The following GRIK1 variants were observed in gnomAD, a reference collection of about 807,000 sequenced individuals.
The protein encoded by GRIK1 is glutamate ionotropic receptor kainate type subunit 1.
Under a neutral mutation model 105.7 loss-of-function variants are expected in GRIK1, and 69 were observed. The ratio of observed to expected loss-of-function variants is 0.65; its 90% CI spans 0.54 to 0.80. GRIK1 has a LOEUF of 0.80. Ranked by LOEUF, GRIK1 falls within the 30% of genes least tolerant of loss-of-function variation. The pLI is 0.00. For missense variants in GRIK1, 1,109 were observed against 1,167.3 expected (o/e 0.95, Z 0.73); for synonymous variants, 438 against 431.3 (o/e 1.02, Z -0.19).
chr21:29,625,437 T>C (rs1164760758), intron 7 of GRIK1, among the ~76,000 whole-genome samples: 1 of 152,130 alleles, frequency 6.6e-6, no homozygotes, highest in Non-Finnish European at 1.5e-5. Context: ...GCTGATACCA[T>C]TTAACCTCTT....
intron 1 of GRIK1, among the ~76,000 whole-genome samples, chr21:29,845,423 T>C (rs767054114): frequency 3.0e-4 from 45 of 152,302 alleles, no homozygotes; most frequent in Non-Finnish European, 5.0e-4. Context: ...CTGTCTGTCA[T>C]GTTTCTGTGG....
At chr21:29,582,714 C>T (rs1036025448) in intron 12 of GRIK1, among the ~76,000 whole-genome samples, 1 of 152,026 alleles carries the variant, frequency 6.6e-6, no homozygotes. Flanking sequence ...AGAAGCTCAA[C>T]GAAGTGATCT....
chr21:29,746,242 A>G (rs2065045077), intron 1 of GRIK1, among the ~76,000 whole-genome samples: 1 of 152,268 alleles, frequency 6.6e-6, no homozygotes, highest in African/African-American at 2.4e-5. Flanking sequence ...CTACACTAGA[A>G]CATGGATTGG....
intron 1 of GRIK1, among the ~76,000 whole-genome samples, chr21:29,875,031 T>C (rs550569828): frequency 6.6e-6 from 1 of 151,524 alleles, no homozygotes; most frequent in Non-Finnish European, 1.5e-5. Flanking sequence ...TGTGTGTGTA[T>C]GCGTGTGTAT....
intron 1 of GRIK1, among the ~76,000 whole-genome samples, chr21:29,739,777 AG>A (rs2146932430): frequency 6.6e-6 from 1 of 152,234 alleles, no homozygotes; most frequent in East Asian, 1.9e-4. Context: ...TAAAATATGC[AG>A]TAGAATATAA....
intron 16 of GRIK1, among the ~76,000 whole-genome samples, chr21:29,546,268 C>T (rs2090048500): frequency 6.6e-6 from 1 of 152,142 alleles, no homozygotes; most frequent in Non-Finnish European, 1.5e-5. Context: ...GGATTTTTGG[C>T]TGTTTTCCCT....
intron 4 of GRIK1, 21 bp downstream of exon 4, chr21:29,672,962 C>T: frequency 1.9e-6 from 3 of 1,562,260 alleles, no homozygotes; most frequent in Non-Finnish European, 2.6e-6. Flanking sequence ...CACACCTCCA[C>T]CTCCTCCCTA....
At chr21:29,630,409 A>G (rs2062239541) in intron 7 of GRIK1, 12 of 429,730 alleles carry the variant, frequency 2.8e-5, no homozygotes, top group South Asian at 2.1e-4. Context: ...GCAATTAGGT[A>G]TCTGTAATCA....
intron 1 of GRIK1, among the ~76,000 whole-genome samples, chr21:29,795,811 T>A (rs1223664880): frequency 6.6e-6 from 1 of 152,186 alleles, no homozygotes; most frequent in Non-Finnish European, 1.5e-5. Flanking sequence ...AGCAAGAGAG[T>A]TGCATATCAT....
intron 16 of GRIK1, among the ~76,000 whole-genome samples, chr21:29,544,152 C>CA (rs2090014096): frequency 6.6e-6 from 1 of 152,304 alleles, no homozygotes; most frequent in South Asian, 2.1e-4. Flanking sequence ...CTATGAGGGT[C>CA]ACAGGGTTAC....
At chr21:29,557,698 G>T (rs2090291425) in intron 15 of GRIK1, among the ~76,000 whole-genome samples, 4 of 152,118 alleles carry the variant, frequency 2.6e-5, no homozygotes, top group Admixed American at 1.3e-4. Context: ...GAAAAAAATG[G>T]ATATTGAAAA....
chr21:29,696,608 G>T (rs545676968), intron 1 of GRIK1, among the ~76,000 whole-genome samples: 8 of 152,316 alleles, frequency 5.3e-5, no homozygotes, highest in African/African-American at 1.9e-4. Flanking sequence ...GCTGCCTGGC[G>T]ATAGGGCTTC....
At chr21:29,756,686 CAAAAAACAAAAAACA>C (rs1221738523) in intron 1 of GRIK1, among the ~76,000 whole-genome samples, 3 of 150,530 alleles carry the variant, frequency 2.0e-5, no homozygotes, top group East Asian at 1.9e-4. Context: ...CTATTAAAAA[CAAAAAACAAAAAACA>C]AAAAAACAAA....
chr21:29,851,950 T>G (rs536936829), intron 1 of GRIK1, among the ~76,000 whole-genome samples: 5 of 152,318 alleles, frequency 3.3e-5, no homozygotes, highest in African/African-American at 7.2e-5. Context: ...TACCATTCCG[T>G]TCACTTACTT....
intron 14 of GRIK1, 65 bp downstream of exon 14, chr21:29,576,899 C>T: frequency 7.9e-6 from 6 of 755,600 alleles, no homozygotes; most frequent in East Asian, 5.6e-5. Flanking sequence ...TTTTTTTCGA[C>T]AGATTCTTTT....
chr21:29,656,376 A>T (rs1601386631), intron 4 of GRIK1, among the ~76,000 whole-genome samples: 1 of 101,132 alleles, frequency 9.9e-6, no homozygotes, highest in African/African-American at 4.5e-5. Context: ...AAAAAAAAAA[A>T]AAAAAAAAAA....
At chr21:29,569,490 C>A (rs2090689832) in intron 14 of GRIK1, among the ~76,000 whole-genome samples, 2 of 152,156 alleles carry the variant, frequency 1.3e-5, no homozygotes, top group African/African-American at 4.8e-5. Context: ...GGGTCCAGAT[C>A]TCCAACAAAA....
chr21:29,887,409 C>G (rs1237508744), intron 1 of GRIK1, among the ~76,000 whole-genome samples: 2 of 152,162 alleles, frequency 1.3e-5, no homozygotes, highest in Non-Finnish European at 2.9e-5. Flanking sequence ...ACATTGAGCT[C>G]TTCTGAGGGA....
At chr21:29,900,728 A>G (rs8128693) in intron 1 of GRIK1, among the ~76,000 whole-genome samples, 73,303 of 151,962 alleles carry the variant, frequency 0.48, 20,878 homozygotes, top group Non-Finnish European at 0.65. Context: ...AGACAGAGCA[A>G]CGAGACAGAA....
Sources: allele counts gnomAD v4.1 joint callset (sites outside exome capture counted in the v4.1 genomes callset), GRCh38; gene constraint gnomAD v4.1.1; transcripts MANE v1.5; gene names NCBI Gene and HGNC (gene_info 2026-07-23, HGNC 2026-07-21).